SHISA9: variants seen among roughly 807,000 people sequenced by gnomAD.
SHISA9 encodes the protein protein shisa-9.
In SHISA9, 13 loss-of-function variants were observed where a neutral mutation model predicts 38.0. The observed-to-expected ratio is 0.34, with a 90% CI of 0.22 to 0.54. The LOEUF is 0.54. SHISA9 is among the 20% of genes least tolerant of loss of function. The pLI is 0.91. For missense variants in SHISA9, 538 were observed against 575.8 expected (o/e 0.93, Z 0.67); for synonymous variants, 275 against 242.0 (o/e 1.14, Z -1.27).
At chr16:13,078,206 G>A (rs1286047617) in intron 2 of SHISA9, among the ~76,000 whole-genome samples, 1 of 152,194 alleles carries the variant, frequency 6.6e-6, no homozygotes, top group East Asian at 1.9e-4. Context: ...ACCCCCCAAG[G>A]ATACCAAAAT....
chr16:13,368,075 T>C, the SHISA9 span, among the ~76,000 whole-genome samples: 1 of 152,084 alleles, frequency 6.6e-6, no homozygotes, highest in Admixed American at 6.6e-5. Context: ...ACCTCACAGA[T>C]TGGCAATTTC....
At chr16:13,319,775 C>T in the SHISA9 span, among the ~76,000 whole-genome samples, 5 of 144,138 alleles carry the variant, frequency 3.5e-5, no homozygotes, top group Admixed American at 2.1e-4. Context: ...CCAGGGTGTA[C>T]AGTGCAGAGA....
chr16:13,209,756 C>A (rs1368065707), intron 3 of SHISA9, among the ~76,000 whole-genome samples: 3 of 152,228 alleles, frequency 2.0e-5, no homozygotes, highest in African/African-American at 4.8e-5. Context: ...AATATGGGAG[C>A]CTACCTTGTG....
chr16:13,122,918 G>A (rs777429294), intron 2 of SHISA9, among the ~76,000 whole-genome samples: 3 of 152,116 alleles, frequency 2.0e-5, no homozygotes, highest in Non-Finnish European at 2.9e-5. Context: ...GTGGTGGCAG[G>A]TGCCTGTAGT....
the SHISA9 span, among the ~76,000 whole-genome samples, chr16:13,367,946 T>A: frequency 6.6e-6 from 1 of 152,144 alleles, no homozygotes; most frequent in Non-Finnish European, 1.5e-5. Context: ...AGGGTACATG[T>A]GCACAATGTG....
intron 2 of SHISA9, among the ~76,000 whole-genome samples, chr16:13,121,489 C>T (rs75590076): frequency 6.6e-6 from 1 of 152,134 alleles, no homozygotes; most frequent in Non-Finnish European, 1.5e-5. Flanking sequence ...AAGAACCCAT[C>T]TCGAAAATAA....
In SHISA9 at chr16:13,049,181, TG is replaced by T. The variant is rs1171164691; in HGVS notation, c.691+132367del. Among the ~76,000 whole-genome samples, 957 of 151,638 alleles carry T rather than the reference TG, an allele frequency of 6.3e-3. 16 individuals carry two copies. Among genetic ancestry groups the T allele is most frequent in the African/African-American group, 0.022 (907 of 41,316 alleles). ...ATGTGTGTGTGTGTGTGTGTGTGTG[TG>T]TGTGTGTGTGTGTGTGTGTGTGTAT... On this transcript the variant is annotated intron_variant, in intron 2 of 4. Coordinates refer to ENST00000558583, the MANE Select transcript of SHISA9 (RefSeq NM_001145204.3).
chr16:12,999,504 A>G (rs1458663408), intron 2 of SHISA9, among the ~76,000 whole-genome samples: 1 of 152,230 alleles, frequency 6.6e-6, no homozygotes, highest in African/African-American at 2.4e-5. Flanking sequence ...GACTCTAGAT[A>G]ATGAGAATCT....
At chr16:13,156,719 G>T (rs2050550724) in intron 2 of SHISA9, among the ~76,000 whole-genome samples, 1 of 129,278 alleles carries the variant, frequency 7.7e-6, no homozygotes, top group South Asian at 2.6e-4. Context: ...GGGCAACAGA[G>T]TGAGACTCCG....
At chr16:13,270,652 T>C in the SHISA9 span, among the ~76,000 whole-genome samples, 1 of 152,200 alleles carries the variant, frequency 6.6e-6, no homozygotes, top group Non-Finnish European at 1.5e-5. Context: ...TTATTGGTTG[T>C]ATGACCTTGC....
At chr16:13,472,061 A>G in the SHISA9 span, among the ~76,000 whole-genome samples, 2 of 152,180 alleles carry the variant, frequency 1.3e-5, no homozygotes, top group African/African-American at 2.4e-5. Context: ...AGATATGAGT[A>G]AACTCTTCTT....
At chr16:13,555,188 T>C in the SHISA9 span, among the ~76,000 whole-genome samples, 3 of 152,316 alleles carry the variant, frequency 2.0e-5, no homozygotes, top group African/African-American at 7.2e-5. Flanking sequence ...AAATAACCTA[T>C]ATAGACTGTT....
the SHISA9 span, among the ~76,000 whole-genome samples, chr16:13,385,265 T>G: frequency 1.3e-5 from 2 of 152,234 alleles, no homozygotes; most frequent in Non-Finnish European, 2.9e-5. Context: ...AAATTAAACC[T>G]GCAAGAATCA....
At chr16:13,363,267 T>C in the SHISA9 span, among the ~76,000 whole-genome samples, 1 of 152,228 alleles carries the variant, frequency 6.6e-6, no homozygotes, top group East Asian at 1.9e-4. Context: ...GTTCATTTCA[T>C]GTCTTCCCCT....
the SHISA9 span, among the ~76,000 whole-genome samples, chr16:13,508,792 T>C: frequency 6.6e-6 from 1 of 152,220 alleles, no homozygotes; most frequent in Admixed American, 6.5e-5. Context: ...AAAGACATAA[T>C]TTCTCATTGG....
chr16:13,060,661 A>G (rs2073364348), intron 2 of SHISA9, among the ~76,000 whole-genome samples: 1 of 129,386 alleles, frequency 7.7e-6, no homozygotes, highest in African/African-American at 2.9e-5. Flanking sequence ...AAAAAAAAAA[A>G]CACTCAAAAT....
At chr16:13,436,354 A>C in the SHISA9 span, among the ~76,000 whole-genome samples, 1 of 152,244 alleles carries the variant, frequency 6.6e-6, no homozygotes, top group African/African-American at 2.4e-5. Context: ...AGCATGCTAA[A>C]GGACAATTTC....
At chr16:13,219,881 C>T (rs1353670560) in intron 4 of SHISA9, among the ~76,000 whole-genome samples, 1 of 152,044 alleles carries the variant, frequency 6.6e-6, no homozygotes, top group East Asian at 1.9e-4. Context: ...TCACTTGAAC[C>T]CAGGAGGCGG....
chr16:13,019,458 CTT>C (rs981460847), intron 2 of SHISA9, among the ~76,000 whole-genome samples: 14 of 149,192 alleles, frequency 9.4e-5, no homozygotes, highest in African/African-American at 3.4e-4. Context: ...TCTGGCGTCT[CTT>C]TTTTTTTTCA....
Sources: gnomAD v4.1 joint callset for allele counts (sites outside exome capture counted in the v4.1 genomes callset) on GRCh38, gnomAD v4.1.1 for gene constraint, MANE v1.5 for transcripts, NCBI Gene and HGNC (gene_info 2026-07-23, HGNC 2026-07-21) for gene names.